The following TNRC6B variants were observed in gnomAD, a reference collection of about 807,000 sequenced individuals.
TNRC6B encodes trinucleotide repeat containing adaptor 6B.
Under a neutral mutation model 203.6 loss-of-function variants are expected in TNRC6B, and 52 were observed. The observed-to-expected ratio is 0.26, with a 90% CI of 0.20 to 0.32. The LOEUF (loss-of-function observed/expected upper bound fraction) is 0.32. Among genes scored for constraint, TNRC6B ranks in the 10% least tolerant of loss-of-function variants. The pLI is 1.00. For synonymous variants in TNRC6B, 838 were observed against 845.7 expected (o/e 0.99, Z 0.16); for missense variants, 1,923 against 2,286.2 (o/e 0.84, Z 3.24).
chr22:40,232,086 G>A (rs2069879372), intron 1 of TNRC6B, among the ~76,000 whole-genome samples: 1 of 152,288 alleles, frequency 6.6e-6, no homozygotes, highest in South Asian at 2.1e-4. Flanking sequence ...GGTATTAATA[G>A]AGATACATAA....
chr22:40,168,307 C>G (rs1443211807), intron 4 of TNRC6B, among the ~76,000 whole-genome samples: 2 of 152,108 alleles, frequency 1.3e-5, no homozygotes, highest in Non-Finnish European at 2.9e-5. Flanking sequence ...GAAATAAAAG[C>G]TACATACTCT....
rs903916487 is a variant in TNRC6B at position 40,329,044 on chromosome 22, A to C, written c.*5803A>C. ...CAAAAAAAAAAAACAAAAACAAAAC[A>C]AAAAAAAGCCTTGTTCTTTAATTGT... is the stretch of plus-strand genomic sequence containing the variant. On this transcript the variant is annotated 3_prime_UTR_variant, in exon 23 of 23. Coordinates refer to ENST00000454349, the MANE Select transcript of TNRC6B (RefSeq NM_001162501.2). 2.6e-5 allele frequency: 4 copies of C among 152,206 alleles called. No individual in the cohort carries two copies. The highest frequency in any genetic ancestry group is 9.7e-5 in the African/African-American group (4 of 41,344). 9.4% of individuals were successfully genotyped at this position (152,206 alleles called of 1,614,324 possible).
At chr22:40,155,708 CT>C (rs2068813713) in intron 3 of TNRC6B, among the ~76,000 whole-genome samples, 1 of 152,132 alleles carries the variant, frequency 6.6e-6, no homozygotes, top group Admixed American at 6.6e-5. Flanking sequence ...TTTAGCCAAC[CT>C]AGTAGTTGTG....
intron 1 of TNRC6B, among the ~76,000 whole-genome samples, chr22:40,220,285 C>T (rs914836959): frequency 6.6e-6 from 1 of 152,206 alleles, no homozygotes; most frequent in Non-Finnish European, 1.5e-5. Context: ...GTCATGGAGC[C>T]GGAGCCAGAA....
At chr22:40,128,691 CTT>C (rs563991317) in intron 3 of TNRC6B, among the ~76,000 whole-genome samples, 4 of 145,334 alleles carry the variant, frequency 2.8e-5, no homozygotes, top group Admixed American at 6.9e-5. Flanking sequence ...ACCTGGCTCT[CTT>C]TTTTTTTTTG....
At chr22:40,047,083 G>A (rs528424841) in intron 1 of TNRC6B, among the ~76,000 whole-genome samples, 9 of 152,272 alleles carry the variant, frequency 5.9e-5, no homozygotes, top group South Asian at 2.1e-4. Flanking sequence ...CTGTGGGGTA[G>A]GTATCGTTAC....
intron 15 of TNRC6B, 112 bp from the exon 16 acceptor site, chr22:40,308,400 G>C: frequency 8.0e-7 from 1 of 1,256,528 alleles, no homozygotes; most frequent in Admixed American, 1.8e-5. Flanking sequence ...TCTGAGTGGA[G>C]AAACTCTGTG....
At chr22:40,202,252 G>GTTTTTT (rs1345779905) in intron 1 of TNRC6B, among the ~76,000 whole-genome samples, 2 of 137,518 alleles carry the variant, frequency 1.5e-5, no homozygotes, top group African/African-American at 5.3e-5. Context: ...TGTTGTTGTT[G>GTTTTTT]TTTTTTTGTT....
intron 1 of TNRC6B, among the ~76,000 whole-genome samples, chr22:40,110,026 C>T (rs1458024413): frequency 6.6e-6 from 1 of 152,120 alleles, no homozygotes; most frequent in Non-Finnish European, 1.5e-5. Context: ...CAGTATACAT[C>T]TAAAATTTGT....
In TNRC6B at chr22:40,285,618, G is replaced by A. The variant is rs564442359; in HGVS notation, c.3583-27G>A. 9 of 1,600,698 alleles carry A rather than the reference G, an allele frequency of 5.6e-6. No homozygotes were observed. In the South Asian group the frequency reaches 1.0e-4, roughly 18 times the overall value. On this transcript the variant is annotated intron_variant, in intron 11 of 22. Coordinates refer to ENST00000454349, the MANE Select transcript of TNRC6B (RefSeq NM_001162501.2). Reference sequence around the variant, plus strand: ...TTGCATTTTCTTATGTTAACAAAAAGCCTTACTGCTGCTTTTCTGTTTACA... The same window carrying A: ...TTGCATTTTCTTATGTTAACAAAAAACCTTACTGCTGCTTTTCTGTTTACA...
intron 3 of TNRC6B, among the ~76,000 whole-genome samples, chr22:40,261,581 G>A (rs1322812957): frequency 6.6e-6 from 1 of 151,848 alleles, no homozygotes; most frequent in African/African-American, 2.4e-5. Context: ...GTGACAGTGT[G>A]AGACTCCGTC....
intron 1 of TNRC6B, among the ~76,000 whole-genome samples, chr22:40,081,291 C>CT (rs2068061704): frequency 6.9e-6 from 1 of 145,366 alleles, no homozygotes; most frequent in Non-Finnish European, 1.5e-5. Context: ...CATGATATTC[C>CT]TTTAAGTGTC....
At position 40,300,675 on chromosome 22, in the gene TNRC6B, C is replaced by T. The variant is rs983643149; in HGVS notation, c.3840+89C>T. On this transcript the variant is annotated intron_variant, in intron 13 of 22. Transcript: ENST00000454349. ...TGATTTGCTTCCCACATCTTTGCCA[C>T]TTTCTATGTTCAAAGGGTGCTAGTC... 9 of 1,486,672 alleles carry T rather than the reference C, an allele frequency of 6.1e-6. No individual in the cohort carries two copies. The African/African-American group carries it at 9.9e-5, about 16-fold the overall frequency. The allele number at this position is 1,486,672 out of a possible 1,614,324, so 92.1% of individuals were successfully genotyped here.
intron 3 of TNRC6B, among the ~76,000 whole-genome samples, chr22:40,133,990 A>G (rs1184016289): frequency 4.6e-5 from 7 of 151,082 alleles, no homozygotes; most frequent in Admixed American, 4.6e-4. Context: ...AAAAAAAAAA[A>G]AAAAAAACAG....
chr22:40,243,223 A>G (rs933917602), intron 1 of TNRC6B, among the ~76,000 whole-genome samples: 26 of 152,188 alleles, frequency 1.7e-4, no homozygotes, highest in African/African-American at 5.8e-4. Flanking sequence ...GATAGAGAAC[A>G]GTACTGAATT....
intron 1 of TNRC6B, among the ~76,000 whole-genome samples, chr22:40,076,473 T>C (rs1238962266): frequency 6.6e-6 from 1 of 152,232 alleles, no homozygotes; most frequent in Non-Finnish European, 1.5e-5. Flanking sequence ...TTTTGAAGGC[T>C]ATTTTTGCTG....
At chr22:40,103,236 C>G (rs559938533) in intron 1 of TNRC6B, among the ~76,000 whole-genome samples, 47 of 151,434 alleles carry the variant, frequency 3.1e-4, no homozygotes, top group Non-Finnish European at 6.3e-4. Context: ...CCACTGCACT[C>G]CAGCCTGGGC....
At chr22:40,251,867 A>G (rs975298448) in intron 3 of TNRC6B, among the ~76,000 whole-genome samples, 3 of 152,248 alleles carry the variant, frequency 2.0e-5, no homozygotes, top group African/African-American at 7.2e-5. Context: ...CATGGCATGC[A>G]TTGAGTCTGA....
At chr22:40,270,372 T>A in intron 6 of TNRC6B, 92 bp downstream of exon 6, 5 of 1,232,060 alleles carry the variant, frequency 4.1e-6, no homozygotes, top group Non-Finnish European at 5.2e-6. Context: ...CAGGCTGGAG[T>A]GCAGTGGTGC....
Sources: allele counts gnomAD v4.1 joint callset (sites outside exome capture counted in the v4.1 genomes callset), GRCh38; gene constraint gnomAD v4.1.1; transcripts MANE v1.5; gene names NCBI Gene and HGNC (gene_info 2026-07-23, HGNC 2026-07-21).